Variants in MORN1 observed in about 807,000 individuals in gnomAD.
The protein encoded by MORN1 is MORN repeat-containing protein 1.
In MORN1, 67 loss-of-function variants were observed where a neutral mutation model predicts 61.9. The ratio of observed to expected loss-of-function variants is 1.08; its 90% CI spans 0.89 to 1.33. MORN1 has a LOEUF of 1.33. Ranked by LOEUF, MORN1 falls within the 40% of genes most tolerant of loss-of-function variation. The pLI is 0.00. For missense variants in MORN1, 752 were observed against 691.2 expected, an observed-to-expected ratio of 1.09 and a Z score of -0.99; for synonymous variants, 301 against 292.0, an observed-to-expected ratio of 1.03 and a Z score of -0.31.
intron 8 of MORN1, among the ~76,000 whole-genome samples, chr1:2,369,942 ACATTCCAG>A (rs1642078692): frequency 6.6e-6 from 1 of 152,222 alleles, no homozygotes; most frequent in African/African-American, 2.4e-5. Context: ...ACCTCCATCA[ACATTCCAG>A]CAGCCTTCTT....
At chr1:2,364,723 G>A (rs1345995771) in intron 8 of MORN1, among the ~76,000 whole-genome samples, 2 of 151,646 alleles carry the variant, frequency 1.3e-5, no homozygotes, top group African/African-American at 4.8e-5. Flanking sequence ...AATCCATCTT[G>A]AATTAATTTT....
intron 10 of MORN1, among the ~76,000 whole-genome samples, chr1:2,345,112 G>T (rs1283845502): frequency 2.6e-5 from 4 of 151,244 alleles, no homozygotes; most frequent in African/African-American, 9.7e-5. Flanking sequence ...GCTCATGGAT[G>T]GCCACATGTG....
At chr1:2,374,882 A>C in intron 6 of MORN1, 1 of 282,966 alleles carries the variant, frequency 3.5e-6, no homozygotes, top group Non-Finnish European at 6.8e-6. Context: ...TCCTTTTAAT[A>C]CAAAGATATT....
At chr1:2,389,131 A>AAAAG (rs1553226376) in intron 2 of MORN1, among the ~76,000 whole-genome samples, 4 of 147,748 alleles carry the variant, frequency 2.7e-5, no homozygotes, top group East Asian at 2.0e-4. Flanking sequence ...AAAAAAAAGA[A>AAAAG]AAAAGAAACA....
At position 2,321,314 on chromosome 1, in the gene MORN1, A is replaced by G. The variant is rs186364345; in HGVS notation, c.*69T>C. 2 of 1,156,966 alleles carry G rather than the reference A, an allele frequency of 1.7e-6. No homozygotes were observed. Among genetic ancestry groups the G allele is most frequent in the South Asian group, 1.6e-5 (1 of 61,812 alleles). 71.7% of individuals were successfully genotyped at this position (1,156,966 alleles called of 1,614,324 possible). On this transcript the variant is annotated 3_prime_UTR_variant, in exon 14 of 14. Transcript: ENST00000378531. The stretch of plus-strand genomic sequence containing the variant: ...ACGGGGCTCTGGAGAATCGGGGAGC[A>G]GAGTCACGCAAGCAGAGGCAGCGTT...
intron 6 of MORN1, chr1:2,377,643 T>G (rs2843160): frequency 0.44 from 66,408 of 152,268 alleles, 15,409 homozygotes; most frequent in East Asian, 0.72. Context: ...TATTGGAAGC[T>G]ATGCCCTCTG....
intron 6 of MORN1, among the ~76,000 whole-genome samples, chr1:2,382,295 C>T (rs528362049): frequency 1.2e-3 from 176 of 152,298 alleles, no homozygotes; most frequent in African/African-American, 4.2e-3. Context: ...GGGTGAGTGG[C>T]TGGGGGCCCC....
intron 5 of MORN1, chr1:2,385,565 G>GGGGTTTTT (rs1553224895): frequency 3.7e-6 from 1 of 268,112 alleles, no homozygotes. Context: ...GGGGGGGGAT[G>GGGGTTTTT]TTTTATCTAA....
At chr1:2,335,491 G>A (rs1641245601) in intron 12 of MORN1, among the ~76,000 whole-genome samples, 1 of 152,186 alleles carries the variant, frequency 6.6e-6, no homozygotes, top group Non-Finnish European at 1.5e-5. Flanking sequence ...AGCCCTTCTA[G>A]GGCGGCGACA....
In MORN1 at chr1:2,331,794, T is replaced by TCCTCTCCCGCGGCTGCG. The variant is rs1557868391; in HGVS notation, c.1250+4658_1250+4674dup. 2.2e-4 allele frequency among the ~76,000 whole-genome samples: 34 copies of TCCTCTCCCGCGGCTGCG among 151,612 alleles called. No individual in the cohort carries two copies. The South Asian group carries it at 4.6e-3, about 21-fold the overall frequency. ...GTCCTTCTTATGTAACCACTGCCGC[T>TCCTCTCCCGCGGCTGCG]CCTCTCCCGCGGCTGCGCCTCTCCC... is the stretch of plus-strand genomic sequence containing the variant. On this transcript the variant is annotated intron_variant, in intron 12 of 13. Coordinates refer to ENST00000378531, the MANE Select transcript of MORN1 (RefSeq NM_024848.3).
At position 2,384,994 on chromosome 1, in the gene MORN1, T is replaced by TCGGCG. The variant is rs761666315; in HGVS notation, c.516_520dup (p.Asp174AlafsTer47). 16 of 1,587,848 alleles carry TCGGCG rather than the reference T, an allele frequency of 1.0e-5. No homozygotes were observed. The highest frequency in any genetic ancestry group is 5.4e-5 in the African/African-American group (4 of 74,524). ...CCCGGGTACCTTGTAGGTGGAGCCG[T>TCGGCG]CGGCGCAGCGCAGCACCCCGTGTCC... On this transcript the variant is annotated frameshift_variant, in exon 6 of 14. Transcript: ENST00000378531. LOFTEE classifies it high-confidence loss of function.
chr1:2,348,022 C>A (rs553810559), intron 10 of MORN1, among the ~76,000 whole-genome samples: 1 of 152,344 alleles, frequency 6.6e-6, no homozygotes, highest in South Asian at 2.1e-4. Context: ...CGGGGTCAGA[C>A]CCCAGCCTGG....
At chr1:2,327,532 A>G (rs1457731945) in intron 12 of MORN1, among the ~76,000 whole-genome samples, 1 of 152,252 alleles carries the variant, frequency 6.6e-6, no homozygotes, top group Non-Finnish European at 1.5e-5. Flanking sequence ...ACAGACACAG[A>G]GAAACACAGA....
intron 13 of MORN1, 161 bp downstream of exon 13, chr1:2,323,936 C>T (rs1435630906): frequency 1.0e-6 from 1 of 984,618 alleles, no homozygotes; most frequent in Non-Finnish European, 1.2e-6. Context: ...CCATTCAGGT[C>T]CCTGGGAGGG....
At chr1:2,388,500 T>C (rs375623380) in intron 2 of MORN1, 163 bp from the exon 3 acceptor site, 4 of 582,206 alleles carry the variant, frequency 6.9e-6, no homozygotes, top group African/African-American at 5.7e-5. Context: ...AAAAAAATGT[T>C]CTCAAAAATA....
At chr1:2,328,712 C>G (rs1282499182) in intron 12 of MORN1, among the ~76,000 whole-genome samples, 1 of 152,202 alleles carries the variant, frequency 6.6e-6, no homozygotes, top group African/African-American at 2.4e-5. Flanking sequence ...GAAATGAGAG[C>G]CAGGGGCCAG....
chr1:2,369,363 A>G (rs1038712057), intron 8 of MORN1, among the ~76,000 whole-genome samples: 1 of 151,540 alleles, frequency 6.6e-6, no homozygotes, highest in Non-Finnish European at 1.5e-5. Flanking sequence ...CAGAAAAAAA[A>G]AAAAAAAAAA....
chr1:2,390,752 C>T (rs1029174694), intron 1 of MORN1: 1 of 883,104 alleles, frequency 1.1e-6, no homozygotes, highest in Non-Finnish European at 1.4e-6. Context: ...AAAACCTGCT[C>T]TTTTTTTTTT....
At chr1:2,358,346 G>A (rs539117893) in intron 9 of MORN1, among the ~76,000 whole-genome samples, 5 of 152,262 alleles carry the variant, frequency 3.3e-5, no homozygotes, top group African/African-American at 7.2e-5. Context: ...CTTGGGGGCC[G>A]AGCGCTGGGG....
Sources: gnomAD v4.1 joint callset for allele counts (sites outside exome capture counted in the v4.1 genomes callset) on GRCh38, gnomAD v4.1.1 for gene constraint, MANE v1.5 for transcripts, NCBI Gene and HGNC (gene_info 2026-07-23, HGNC 2026-07-21) for gene names.